The following KLRD1 variants were observed in gnomAD, a reference collection of about 807,000 sequenced individuals.
KLRD1 encodes the protein killer cell lectin like receptor D1, also known as natural killer cells antigen CD94.
In KLRD1, 21 loss-of-function variants were observed where a neutral mutation model predicts 22.6. The observed-to-expected ratio is 0.93, with a 90% CI of 0.66 to 1.34. KLRD1 has a LOEUF of 1.34. KLRD1 is among the 40% of genes most tolerant of loss of function. The pLI is 0.00. For missense variants in KLRD1, 183 were observed against 208.6 expected (o/e 0.88, Z 0.76); for synonymous variants, 59 against 71.1 (o/e 0.83, Z 0.85).
intron 1 of KLRD1, among the ~76,000 whole-genome samples, chr12:10,271,097 G>GCT (rs1555103875): frequency 6.9e-6 from 1 of 145,730 alleles, no homozygotes; most frequent in African/African-American, 2.5e-5. Flanking sequence ...CTCCCTAATT[G>GCT]TTTTTTTTTT....
At chr12:10,244,862 C>T (rs894700257) in intron 1 of KLRD1, among the ~76,000 whole-genome samples, 3 of 152,018 alleles carry the variant, frequency 2.0e-5, no homozygotes, top group Non-Finnish European at 4.4e-5. Flanking sequence ...CTTACTCTTC[C>T]TGTAGAGTGG....
intron 1 of KLRD1, among the ~76,000 whole-genome samples, chr12:10,249,780 T>C (rs559055891): frequency 1.3e-5 from 2 of 152,304 alleles, no homozygotes; most frequent in African/African-American, 4.8e-5. Context: ...GAAGGACTCC[T>C]GGAGGCTGTA....
intron 1 of KLRD1, among the ~76,000 whole-genome samples, chr12:10,299,064 GTATA>G (rs1471219062): frequency 2.0e-5 from 3 of 152,084 alleles, no homozygotes; most frequent in Non-Finnish European, 2.9e-5. Flanking sequence ...CTCTCTAATG[GTATA>G]GAAAGGTGCT....
intron 1 of KLRD1, among the ~76,000 whole-genome samples, chr12:10,268,599 C>T (rs903927410): frequency 3.9e-5 from 6 of 152,174 alleles, no homozygotes; most frequent in Admixed American, 2.6e-4. Context: ...TAAGAAAGCG[C>T]GTCATCTGCA....
chr12:10,298,062 G>T (rs1949837269), intron 1 of KLRD1, among the ~76,000 whole-genome samples: 1 of 152,066 alleles, frequency 6.6e-6, no homozygotes, highest in South Asian at 2.1e-4. Context: ...TATATCTTAA[G>T]AAACTTAAAT....
chr12:10,299,632 C>A (rs1013660621), upstream of KLRD1, among the ~76,000 whole-genome samples: 1 of 152,104 alleles, frequency 6.6e-6, no homozygotes, highest in Non-Finnish European at 1.5e-5. Context: ...GGTGGAGGGT[C>A]TTGTCTTAAT....
intron 3 of KLRD1, among the ~76,000 whole-genome samples, chr12:10,310,089 A>C (rs1950024339): frequency 6.6e-6 from 1 of 152,198 alleles, no homozygotes; most frequent in South Asian, 2.1e-4. Context: ...AACCTTACTT[A>C]TCCAGTGAAA....
intron 1 of KLRD1, among the ~76,000 whole-genome samples, chr12:10,240,964 T>C (rs1163042642): frequency 4.6e-5 from 7 of 152,198 alleles, no homozygotes; most frequent in Admixed American, 4.6e-4. Flanking sequence ...TTCTTCTTTT[T>C]TCTATATATA....
upstream of KLRD1, among the ~76,000 whole-genome samples, chr12:10,301,510 C>CA (rs1220019241): frequency 2.6e-5 from 4 of 152,280 alleles, no homozygotes; most frequent in East Asian, 5.8e-4. Flanking sequence ...AACAGCTTCA[C>CA]AAAAAATATT....
chr12:10,315,348 A>G lies in KLRD1; in HGVS notation c.*555A>G. ...GCTATGTTGCCCAGGCTGGTCTTGA[A>G]CTCCTGGCCTCAAGGGATTCTCCCA... On this transcript the variant is annotated 3_prime_UTR_variant, in exon 6 of 6. Coordinates refer to ENST00000336164, the MANE Select transcript of KLRD1 (RefSeq NM_002262.5). 2.4e-6 allele frequency: 1 copy of G among 411,824 alleles called. No individual in the cohort carries two copies. Among genetic ancestry groups the G allele is most frequent in the Non-Finnish European group, 4.8e-6 (1 of 206,386 alleles). 25.5% of individuals were successfully genotyped at this position (411,824 alleles called of 1,614,324 possible). A position where few individuals can be genotyped will look rare whatever the true frequency, so the allele number is the denominator to read the frequency against.
intron 1 of KLRD1, among the ~76,000 whole-genome samples, chr12:10,267,657 C>T (rs988581278): frequency 4.6e-5 from 7 of 152,286 alleles, no homozygotes; most frequent in South Asian, 2.1e-4. Flanking sequence ...AATAATTAGA[C>T]TTCTCCTTTT....
intron 1 of KLRD1, among the ~76,000 whole-genome samples, chr12:10,258,790 C>G (rs555542977): frequency 6.9e-4 from 105 of 152,178 alleles, no homozygotes; most frequent in African/African-American, 2.5e-3. Flanking sequence ...AAATGAGACT[C>G]TTAATATGAC....
intron 1 of KLRD1, among the ~76,000 whole-genome samples, chr12:10,283,441 G>A (rs1311107788): frequency 1.3e-5 from 2 of 152,144 alleles, no homozygotes; most frequent in East Asian, 3.8e-4. Context: ...GAGATCTGCT[G>A]TACAACATTG....
chr12:10,312,366 C>G (rs1592090289), intron 4 of KLRD1, among the ~76,000 whole-genome samples: 1 of 146,796 alleles, frequency 6.8e-6, no homozygotes, highest in African/African-American at 2.6e-5. Flanking sequence ...TTACCCAATT[C>G]TTTTTTGTTT....
Position 10,308,034 on chromosome 12 carries a change from A to G in KLRD1, c.-44A>G. 1 of 1,590,782 alleles carries G rather than the reference A, an allele frequency of 6.3e-7. No homozygotes were observed. Among genetic ancestry groups the G allele is most frequent in the East Asian group, 2.2e-5 (1 of 44,724 alleles). ...TCAACGCTGTTCTTTCTGAAAAAGT[A>G]CACATCGTGCCTTCTCTACTTCGCT... On this transcript the variant is annotated 5_prime_UTR_variant, in exon 1 of 6. Coordinates refer to ENST00000336164, the MANE Select transcript of KLRD1 (RefSeq NM_002262.5).
upstream of KLRD1, chr12:10,304,568 C>T (rs1214271548): frequency 6.6e-6 from 1 of 152,198 alleles, no homozygotes; most frequent in Admixed American, 6.5e-5. Flanking sequence ...CCATGCCCGA[C>T]TAATTTTGTA....
chr12:10,247,113 A>G (rs1949300149), intron 1 of KLRD1, among the ~76,000 whole-genome samples: 1 of 151,574 alleles, frequency 6.6e-6, no homozygotes, highest in Non-Finnish European at 1.5e-5. Flanking sequence ...TTGTATTTTT[A>G]GTAGAGATGG....
At chr12:10,255,673 A>G (rs558422589) in intron 1 of KLRD1, among the ~76,000 whole-genome samples, 5 of 152,268 alleles carry the variant, frequency 3.3e-5, no homozygotes, top group Admixed American at 2.0e-4. Context: ...TTCTAGTTTC[A>G]TTCCATTGTG....
intron 1 of KLRD1, among the ~76,000 whole-genome samples, chr12:10,239,517 CCCTTTCTTTCTT>C (rs1377782787): frequency 2.2e-5 from 1 of 45,814 alleles, no homozygotes; most frequent in African/African-American, 6.6e-5. Context: ...TCCTTCCCTC[CCCTTTCTTTCTT>C]TCTTTCTTTC....
Sources: gnomAD v4.1 joint callset for allele counts (sites outside exome capture counted in the v4.1 genomes callset) on GRCh38, gnomAD v4.1.1 for gene constraint, MANE v1.5 for transcripts, NCBI Gene and HGNC (gene_info 2026-07-23, HGNC 2026-07-21) for gene names.